Variants in SACS observed in about 807,000 individuals in gnomAD.
The protein encoded by SACS is sacsin molecular chaperone.
SACS carries 197 observed loss-of-function variants against 348.0 expected under a neutral mutation model. The observed-to-expected ratio is 0.57, with a 90% confidence interval of 0.50 to 0.64. The LOEUF (loss-of-function observed/expected upper bound fraction) is 0.64. SACS is among the 30% of genes least tolerant of loss of function. SACS has a pLI of 0.00. For synonymous variants in SACS, 1,985 were observed against 1,910.6 expected (o/e 1.04, Z -1.02); for missense variants, 4,999 against 5,360.8 (o/e 0.93, Z 2.11).
chr13:23,351,494 G>A (rs1347405779), intron 9 of SACS, among the ~76,000 whole-genome samples: 1 of 152,130 alleles, frequency 6.6e-6, no homozygotes, highest in Non-Finnish European at 1.5e-5. Context: ...TTTTATAAGG[G>A]AAAACCCCCT....
intron 2 of SACS, among the ~76,000 whole-genome samples, chr13:23,409,597 T>C (rs1375301528): frequency 1.3e-5 from 2 of 151,994 alleles, no homozygotes; most frequent in Admixed American, 1.3e-4. Flanking sequence ...CCCAAAGTGC[T>C]GGGATTACAG....
chr13:23,395,108 C>T (rs915314938), intron 2 of SACS, among the ~76,000 whole-genome samples: 3 of 128,264 alleles, frequency 2.3e-5, no homozygotes, highest in Non-Finnish European at 5.5e-5. Context: ...GACAGGGAGG[C>T]TGGGTCAGAG....
intron 6 of SACS, among the ~76,000 whole-genome samples, chr13:23,364,390 C>G (rs1870932811): frequency 6.6e-6 from 1 of 152,174 alleles, no homozygotes; most frequent in African/African-American, 2.4e-5. Context: ...AAGCGATTCT[C>G]CGGCCTCAGC....
chr13:23,380,261 A>G (rs1872000282), intron 2 of SACS, among the ~76,000 whole-genome samples: 1 of 152,078 alleles, frequency 6.6e-6, no homozygotes, highest in Non-Finnish European at 1.5e-5. Context: ...AGCAGCACTT[A>G]CCATTCTCAC....
Position 23,382,372 on chromosome 13 carries a change from A to T in SACS, c.21-7103T>A, listed in dbSNP as rs560962235. ...AAGGAAAATTAGGAATGGATCCATA[A>T]AAAGCAAAATGGATTTTATATGATT... is the stretch of plus-strand genomic sequence containing the variant. On this transcript the variant is annotated intron_variant, in intron 2 of 9. Coordinates refer to ENST00000382292, the MANE Select transcript of SACS (RefSeq NM_014363.6). 2.0e-5 allele frequency among the ~76,000 whole-genome samples: 3 copies of T among 152,294 alleles called. No homozygotes were observed. The South Asian group carries it at 6.2e-4, about 32-fold the overall frequency.
intron 2 of SACS, among the ~76,000 whole-genome samples, chr13:23,399,297 A>T (rs1297650835): frequency 1.3e-5 from 2 of 152,078 alleles, no homozygotes; most frequent in Non-Finnish European, 1.5e-5. Flanking sequence ...TCTCGAGATC[A>T]ACTTCCTTGT....
intron 2 of SACS, among the ~76,000 whole-genome samples, chr13:23,399,863 G>T (rs1195090229): frequency 6.6e-6 from 1 of 151,550 alleles, no homozygotes; most frequent in African/African-American, 2.4e-5. Context: ...CCTCCTACCA[G>T]AGAGCTTCCA....
In SACS at chr13:23,356,326, T is replaced by G. The variant is rs116419735; in HGVS notation, c.605-319A>C. 7.3e-3 allele frequency among the ~76,000 whole-genome samples: 1,113 copies of G among 152,320 alleles called. 13 individuals carry two copies. The highest frequency in any genetic ancestry group is 0.025 in the African/African-American group (1,059 of 41,558). On this transcript the variant is annotated intron_variant, in intron 7 of 9. Transcript: ENST00000382292. ...TATACACTTAACCCCCACCACCATG[T>G]GAGCCCAATTCGACAGAACAGGACT...
intron 1 of SACS, among the ~76,000 whole-genome samples, chr13:23,425,506 C>G (rs965621917): frequency 6.6e-6 from 1 of 152,090 alleles, no homozygotes; most frequent in African/African-American, 2.4e-5. Context: ...GGCCTGATGT[C>G]GTGCTGGGGC....
At chr13:23,401,271 T>C (rs1358066990) in intron 2 of SACS, among the ~76,000 whole-genome samples, 2 of 152,156 alleles carry the variant, frequency 1.3e-5, no homozygotes, top group Non-Finnish European at 2.9e-5. Context: ...GTCACTCCTC[T>C]GCTCTCTGAG....
chr13:23,336,035 C>T lies in SACS; in HGVS notation c.7841G>A (p.Gly2614Glu). 1.2e-6 allele frequency: 2 copies of T among 1,612,432 alleles called. No homozygotes were observed. The highest frequency in any genetic ancestry group is 3.3e-5 in the Admixed American group (2 of 59,954). Reference sequence around the variant, plus strand: ...ATACTGTCCAGTTTTATAAGGATTTCCCTCTTTCGTGCCTTTTCCAAGATT... The same window carrying T: ...ATACTGTCCAGTTTTATAAGGATTTTCCTCTTTCGTGCCTTTTCCAAGATT... ...IQNLGKGTKEGNPYKTGQYGI... is the reference protein window; with the variant it reads ...IQNLGKGTKEENPYKTGQYGI... Residue 2614 changes from glycine to glutamate, a missense_variant, in exon 10 of 10, where the codon GGA (glycine) becomes GAA (glutamate). Physicochemically the swap from Gly to Glu is moderately conservative, Grantham distance 98. Transcript: ENST00000382292.
chr13:23,334,701 T>G lies in SACS; in HGVS notation c.9175A>C (p.Lys3059Gln). The G allele has an allele frequency of 6.2e-7, 1 of 1,613,816 alleles. No homozygotes were observed. The highest frequency in any genetic ancestry group is 8.5e-7 in the Non-Finnish European group (1 of 1,179,796). The change falls in exon 10 of 10, where the codon AAA becomes CAA. Residue 3059 changes from lysine (K) to glutamine (Q), a missense_variant. Lys to Gln is a moderately conservative substitution (Grantham distance 53). This residue lies in a region of SACS where 734 missense variants were observed against 694.0 expected (regional missense o/e 1.06). Coordinates refer to ENST00000382292, the MANE Select transcript of SACS (RefSeq NM_014363.6). ...KTVAENVYRL[K>Q]HLLLEIGFNL... is the part of the protein sequence containing the mutation. ...AAACCAATTTCTAAAAGGAGATGTT[T>G]CAGCCTATAGACATTCTCTGCTACT...
intron 2 of SACS, among the ~76,000 whole-genome samples, chr13:23,397,896 A>G (rs1872768906): frequency 1.3e-5 from 2 of 152,166 alleles, no homozygotes; most frequent in African/African-American, 2.4e-5. Flanking sequence ...ACATCAGTTA[A>G]ATACATTTAA....
At chr13:23,370,517 C>A (rs1314143923) in intron 4 of SACS, among the ~76,000 whole-genome samples, 1 of 152,170 alleles carries the variant, frequency 6.6e-6, no homozygotes, top group Admixed American at 6.5e-5. Context: ...GAATACAACA[C>A]AGTATTGTTA....
chr13:23,423,084 T>G (rs907746073), intron 1 of SACS, among the ~76,000 whole-genome samples: 6 of 152,162 alleles, frequency 3.9e-5, no homozygotes, highest in Non-Finnish European at 7.3e-5. Context: ...AATCCAGCCT[T>G]AATAACTAAA....
At chr13:23,397,855 C>T (rs545869772) in intron 2 of SACS, among the ~76,000 whole-genome samples, 1 of 152,248 alleles carries the variant, frequency 6.6e-6, no homozygotes, top group Non-Finnish European at 1.5e-5. Context: ...TGAGGTACAG[C>T]TTGGTTTTAT....
At chr13:23,423,227 C>T (rs1874027115) in intron 1 of SACS, among the ~76,000 whole-genome samples, 2 of 151,972 alleles carry the variant, frequency 1.3e-5, no homozygotes, top group South Asian at 4.2e-4. Flanking sequence ...GCTATTAGGT[C>T]TATATATGAA....
At chr13:23,417,705 C>T (rs1213534285) in intron 1 of SACS, among the ~76,000 whole-genome samples, 3 of 152,090 alleles carry the variant, frequency 2.0e-5, no homozygotes, top group African/African-American at 4.8e-5. Flanking sequence ...ATCTTTATGG[C>T]TTCAGGGTAA....
chr13:23,399,618 T>G (rs2137923996), intron 2 of SACS, among the ~76,000 whole-genome samples: 1 of 152,282 alleles, frequency 6.6e-6, no homozygotes, highest in East Asian at 1.9e-4. Context: ...AAGCAGGGAC[T>G]AACCACGTTA....
Sources: gnomAD v4.1 joint callset for allele counts (sites outside exome capture counted in the v4.1 genomes callset) on GRCh38, gnomAD v4.1.1 for gene constraint, gnomAD v4.1.1 regional missense constraint, MANE v1.5 for transcripts, NCBI Gene and HGNC (gene_info 2026-07-23, HGNC 2026-07-21) for gene names.